NUMB: variants seen among roughly 807,000 people sequenced by gnomAD.
NUMB encodes protein numb homolog.
NUMB carries 29 observed loss-of-function variants against 59.7 expected under a neutral mutation model. The observed-to-expected ratio is 0.49, with a 90% CI of 0.36 to 0.66. NUMB has a LOEUF of 0.66. NUMB is among the 30% of genes least tolerant of loss of function. The pLI, the probability that NUMB is intolerant of heterozygous loss-of-function variation, is 0.00. For missense variants in NUMB, 723 were observed against 822.0 expected (o/e 0.88, Z 1.47); for synonymous variants, 288 against 288.2 (o/e 1.00, Z 0.01).
chr14:73,432,255 G>T (rs1897865994), intron 1 of NUMB, among the ~76,000 whole-genome samples: 1 of 151,858 alleles, frequency 6.6e-6, no homozygotes, highest in African/African-American at 2.4e-5. Context: ...TGGGGAGGAT[G>T]AGGCTTCACC....
intron 1 of NUMB, among the ~76,000 whole-genome samples, chr14:73,422,324 T>A (rs771160506): frequency 4.6e-5 from 7 of 152,012 alleles, no homozygotes; most frequent in Non-Finnish European, 1.0e-4. Flanking sequence ...TCCTCAAAGA[T>A]CCAAACACGT....
At chr14:73,400,779 C>T (rs73310906) in intron 2 of NUMB, among the ~76,000 whole-genome samples, 2,254 of 152,264 alleles carry the variant, frequency 0.015, 53 homozygotes, top group African/African-American at 0.048. Flanking sequence ...GGAGAGCTTC[C>T]GGATAGATGA....
intron 5 of NUMB, among the ~76,000 whole-genome samples, chr14:73,319,805 A>G (rs1309059920): frequency 1.3e-5 from 2 of 152,188 alleles, no homozygotes; most frequent in Non-Finnish European, 2.9e-5. Flanking sequence ...ATTTTCTGCA[A>G]GATTCTCAGT....
intron 1 of NUMB, among the ~76,000 whole-genome samples, chr14:73,437,981 CCAGTTA>C (rs1898127824): frequency 6.6e-6 from 1 of 152,128 alleles, no homozygotes; most frequent in South Asian, 2.1e-4. Context: ...ATTTCAGAAA[CCAGTTA>C]CTATTTCCTA....
chr14:73,306,119 C>A (rs1890414152), intron 6 of NUMB, among the ~76,000 whole-genome samples: 1 of 152,222 alleles, frequency 6.6e-6, no homozygotes, highest in Admixed American at 6.5e-5. Context: ...TGAGATTGTA[C>A]TGTGCTCAGG....
intron 4 of NUMB, among the ~76,000 whole-genome samples, chr14:73,327,490 C>T (rs1490704645): frequency 2.6e-5 from 4 of 152,044 alleles, no homozygotes; most frequent in African/African-American, 4.8e-5. Flanking sequence ...CTCTTGACCT[C>T]GTGATCTGCC....
At position 73,309,403 on chromosome 14, in the gene NUMB, G is replaced by A. The variant is rs139002370; in HGVS notation, c.234+6987C>T. Among the ~76,000 whole-genome samples, 1,268 of 152,228 alleles carry A rather than the reference G, an allele frequency of 8.3e-3. 36 individuals are homozygous for A. Among genetic ancestry groups the A allele is most frequent in the Admixed American group, 0.048 (741 of 15,282 alleles). ...ATACTATGCAGCCGTAAAAAAGAAT[G>A]AGTTCATGTCCTTTGTAGGGACATG... is the stretch of plus-strand genomic sequence containing the variant. On this transcript the variant is annotated intron_variant, in intron 6 of 12. Coordinates refer to ENST00000555238, the MANE Select transcript of NUMB (RefSeq NM_001005743.2).
At chr14:73,403,761 A>G (rs951922254) in intron 2 of NUMB, among the ~76,000 whole-genome samples, 5 of 151,750 alleles carry the variant, frequency 3.3e-5, no homozygotes, top group Non-Finnish European at 4.4e-5. Context: ...TTTGAGACCA[A>G]CCTGGCCAAC....
chr14:73,390,916 T>C (rs1455561229), intron 2 of NUMB, among the ~76,000 whole-genome samples: 1 of 152,084 alleles, frequency 6.6e-6, no homozygotes, highest in Non-Finnish European at 1.5e-5. Flanking sequence ...CCCAAAGTGC[T>C]GGGATTACAG....
At chr14:73,318,053 G>A (rs1232085939) in intron 5 of NUMB, among the ~76,000 whole-genome samples, 1 of 152,164 alleles carries the variant, frequency 6.6e-6, no homozygotes. Context: ...AAATAATAAA[G>A]TAATTGGGTA....
rs765736029 is a variant in NUMB, at chr14:73,350,070, T to TACACACACACACACACACAC, written c.126+5555_126+5556insGTGTGTGTGTGTGTGTGTGT. 8.7e-3 allele frequency among the ~76,000 whole-genome samples: 955 copies of TACACACACACACACACACAC among 110,008 alleles called. 7 individuals are homozygous for TACACACACACACACACACAC. The highest frequency in any genetic ancestry group is 0.029 in the South Asian group (108 of 3,670). 72.2% of individuals were successfully genotyped at this position (110,008 alleles called of 152,430 possible). ...ATACATACATACATATATACATACA[T>TACACACACACACACACACAC]ACATACATACACACACACACACACA... On this transcript the variant is annotated intron_variant, in intron 4 of 12. Transcript: ENST00000555238.
At chr14:73,411,919 C>CTTTTT (rs935625343) in intron 1 of NUMB, among the ~76,000 whole-genome samples, 5 of 106,804 alleles carry the variant, frequency 4.7e-5, no homozygotes, top group Middle Eastern at 5.7e-3. Flanking sequence ...CAGCAATTAA[C>CTTTTT]TTTTTTTTTT....
Position 73,435,271 on chromosome 14 carries a change from CTT to C in NUMB, c.-233+23220_-233+23221del, listed in dbSNP as rs11295491. ...TCTTTGGAGAACCATTTGGCAATTA[CTT>C]TTTTTTTTTTTTTTTTTTGAGACAG... On this transcript the variant is annotated intron_variant, in intron 1 of 12. Transcript: ENST00000555238. Among the ~76,000 whole-genome samples, 874 of 112,826 alleles carry C rather than the reference CTT, an allele frequency of 7.7e-3. 3 individuals are homozygous for C. Among genetic ancestry groups the C allele is most frequent in the South Asian group, 0.031 (108 of 3,468 alleles). The allele number at this position is 112,826 out of a possible 152,430, so 74.0% of individuals were successfully genotyped here.
intron 1 of NUMB, among the ~76,000 whole-genome samples, chr14:73,447,710 A>G (rs1185579464): frequency 6.6e-6 from 1 of 151,468 alleles, no homozygotes; most frequent in Non-Finnish European, 1.5e-5. Context: ...AAAGAACAAC[A>G]TTTGATGTAA....
intron 2 of NUMB, among the ~76,000 whole-genome samples, chr14:73,398,415 A>AGAGAGAGAGTGTGT (rs1438462148): frequency 1.7e-5 from 2 of 118,804 alleles, no homozygotes; most frequent in African/African-American, 6.6e-5. Flanking sequence ...AGAGAGAGAG[A>AGAGAGAGAGTGTGT]GTGTGTGTGT....
chr14:73,346,271 GGA>G (rs1263350882), intron 4 of NUMB, among the ~76,000 whole-genome samples: 1 of 152,044 alleles, frequency 6.6e-6, no homozygotes, highest in African/African-American at 2.4e-5. Context: ...CCTGAGGTCG[GGA>G]GTTCGAGACC....
intron 1 of NUMB, among the ~76,000 whole-genome samples, chr14:73,440,198 T>C (rs1230467213): frequency 2.9e-5 from 1 of 34,718 alleles, no homozygotes; most frequent in Non-Finnish European, 5.8e-5. Flanking sequence ...TAGATATCCA[T>C]ATATATATAT....
intron 1 of NUMB, among the ~76,000 whole-genome samples, chr14:73,424,560 A>G (rs958946157): frequency 1.3e-5 from 2 of 152,208 alleles, no homozygotes; most frequent in African/African-American, 4.8e-5. Flanking sequence ...TTTATAACAT[A>G]AGACAAAAAT....
At chr14:73,297,327 TATA>T in intron 6 of NUMB, 42 bp from the exon 7 acceptor site, 3 of 1,151,552 alleles carry the variant, frequency 2.6e-6, no homozygotes, top group Non-Finnish European at 2.6e-6. Flanking sequence ...GATACACATA[TATA>T]ATATTAAAAA....
Sources: gnomAD v4.1 joint callset for allele counts (sites outside exome capture counted in the v4.1 genomes callset) on GRCh38, gnomAD v4.1.1 for gene constraint, MANE v1.5 for transcripts, NCBI Gene and HGNC (gene_info 2026-07-23, HGNC 2026-07-21) for gene names.